KATNBL1: variants seen among roughly 807,000 people sequenced by gnomAD.
KATNBL1 encodes the protein katanin regulatory subunit B1 like 1.
Under a neutral mutation model 44.7 loss-of-function variants are expected in KATNBL1, and 28 were observed. The observed-to-expected ratio is 0.63, with a 90% CI of 0.46 to 0.86. The LOEUF (loss-of-function observed/expected upper bound fraction) is 0.86, where lower values mean the gene tolerates loss of function less well. KATNBL1 is among the 40% of genes least tolerant of loss of function. The pLI is 0.00. For synonymous variants in KATNBL1, 78 were observed against 114.9 expected (o/e 0.68, Z 2.06); for missense variants, 272 against 350.7 (o/e 0.78, Z 1.79).
At chr15:34,167,473 T>TG (rs35282170) in intron 1 of KATNBL1, among the ~76,000 whole-genome samples, 49,816 of 151,994 alleles carry the variant, frequency 0.33, 8,580 homozygotes, top group African/African-American at 0.45. Flanking sequence ...TATGTTTGAT[T>TG]GTGTACCTGA....
rs9972582 is a variant in KATNBL1, at chr15:34,188,530, T to C, written c.-15+21421A>G. On this transcript the variant is annotated intron_variant, in intron 1 of 9. Transcript: ENST00000256544. Reference sequence around the variant, plus strand: ...AAGATTGTGCCACTGTACTCCAGGTTGGGCAACAGAGCAAGATTCTGTCTC... The same window carrying C: ...AAGATTGTGCCACTGTACTCCAGGTCGGGCAACAGAGCAAGATTCTGTCTC... Among the ~76,000 whole-genome samples, 816 of 152,254 alleles carry C rather than the reference T, an allele frequency of 5.4e-3. 9 individuals are homozygous for C. Among genetic ancestry groups the C allele is most frequent in the African/African-American group, 0.019 (770 of 41,550 alleles).
At chr15:34,196,857 T>C (rs1273500433) in intron 1 of KATNBL1, among the ~76,000 whole-genome samples, 2 of 152,248 alleles carry the variant, frequency 1.3e-5, no homozygotes, top group Non-Finnish European at 2.9e-5. Context: ...TGTTACAGTT[T>C]TACTTCATTT....
chr15:34,173,600 G>A (rs1057413073), intron 1 of KATNBL1, among the ~76,000 whole-genome samples: 2 of 152,062 alleles, frequency 1.3e-5, no homozygotes, highest in Non-Finnish European at 2.9e-5. Context: ...ATATATGGAA[G>A]GTATTTCCCA....
chr15:34,189,024 A>G (rs1181425306), intron 1 of KATNBL1, among the ~76,000 whole-genome samples: 1 of 152,212 alleles, frequency 6.6e-6, no homozygotes, highest in Non-Finnish European at 1.5e-5. Context: ...TAGGAATTTC[A>G]TACAACCTGG....
intron 1 of KATNBL1, among the ~76,000 whole-genome samples, chr15:34,174,477 T>A (rs941381476): frequency 5.9e-5 from 9 of 152,154 alleles, no homozygotes; most frequent in African/African-American, 1.9e-4. Context: ...AGCTCTGACA[T>A]ACTGATAACT....
At chr15:34,155,088 A>AG in intron 2 of KATNBL1, among the ~76,000 whole-genome samples, 1 of 152,304 alleles carries the variant, frequency 6.6e-6, no homozygotes, top group East Asian at 1.9e-4. Context: ...AAAGGCTAGA[A>AG]GGGGGTTGTT....
chr15:34,166,707 C>T (rs1264218560), intron 1 of KATNBL1, among the ~76,000 whole-genome samples: 1 of 152,186 alleles, frequency 6.6e-6, no homozygotes, highest in African/African-American at 2.4e-5. Flanking sequence ...ACACCTCATA[C>T]AGGTGGGTTC....
chr15:34,197,981 C>T (rs1237079819), intron 1 of KATNBL1, among the ~76,000 whole-genome samples: 3 of 152,156 alleles, frequency 2.0e-5, no homozygotes, highest in African/African-American at 7.2e-5. Context: ...CTCCTGACCT[C>T]AGGTAATCCA....
intron 1 of KATNBL1, among the ~76,000 whole-genome samples, chr15:34,169,626 GAC>G (rs1889096688): frequency 6.6e-6 from 1 of 151,206 alleles, no homozygotes; most frequent in Non-Finnish European, 1.5e-5. Flanking sequence ...GCCTGGCAGA[GAC>G]ACAACAAAAA....
At chr15:34,166,604 TTGAGCTC>T (rs1357424071) in intron 1 of KATNBL1, among the ~76,000 whole-genome samples, 1 of 152,208 alleles carries the variant, frequency 6.6e-6, no homozygotes. Context: ...AACACGACGT[TTGAGCTC>T]TGAGAATGGA....
intron 1 of KATNBL1, among the ~76,000 whole-genome samples, chr15:34,179,611 G>A (rs903238028): frequency 3.9e-5 from 6 of 152,034 alleles, no homozygotes; most frequent in African/African-American, 1.5e-4. Context: ...CAAGACTATA[G>A]GCACACAACA....
intron 1 of KATNBL1, among the ~76,000 whole-genome samples, chr15:34,170,739 T>A (rs551263373): frequency 2.6e-5 from 4 of 151,994 alleles, no homozygotes; most frequent in Non-Finnish European, 5.9e-5. Flanking sequence ...CCAAAACAGA[T>A]ATATAGACCA....
chr15:34,189,556 T>TA (rs1222291142), intron 1 of KATNBL1, among the ~76,000 whole-genome samples: 1 of 152,186 alleles, frequency 6.6e-6, no homozygotes, highest in Non-Finnish European at 1.5e-5. Context: ...TTAAAAAACT[T>TA]GATATCACAA....
At chr15:34,176,139 C>T (rs990786616) in intron 1 of KATNBL1, among the ~76,000 whole-genome samples, 6 of 152,090 alleles carry the variant, frequency 3.9e-5, no homozygotes, top group South Asian at 4.2e-4. Flanking sequence ...CTTTGGGAGG[C>T]GGAGGTGGGC....
intron 5 of KATNBL1, 136 bp from the exon 6 acceptor site, chr15:34,147,566 G>A (rs1888347810): frequency 6.3e-6 from 3 of 476,630 alleles, no homozygotes; most frequent in Admixed American, 3.4e-5. Flanking sequence ...CATGTCTGTG[G>A]ATACAGCAAT....
At chr15:34,177,379 T>C (rs1889365880) in intron 1 of KATNBL1, among the ~76,000 whole-genome samples, 1 of 152,102 alleles carries the variant, frequency 6.6e-6, no homozygotes, top group Non-Finnish European at 1.5e-5. Flanking sequence ...GAGCGGTGGC[T>C]CACACATGTA....
intron 1 of KATNBL1, among the ~76,000 whole-genome samples, chr15:34,165,039 C>T (rs1888922427): frequency 6.6e-6 from 1 of 152,206 alleles, no homozygotes; most frequent in Non-Finnish European, 1.5e-5. Flanking sequence ...ACCCTTCCAC[C>T]TGTATCCCAG....
Position 34,148,692 on chromosome 15 carries a change from T to C in KATNBL1, c.497A>G (p.Asn166Ser), listed in dbSNP as rs1369273020. Residue 166 changes from asparagine (N) to serine (S), a missense_variant, in exon 5 of 10, where the codon AAT (asparagine) becomes AGT (serine). Around this residue, in one of 3 missense-constraint regions of KATNBL1, gnomAD observed 111 missense variants for 149.3 expected, o/e 0.74. Transcript: ENST00000256544. The part of the protein sequence containing the change: ...QVLFSRNMRL[N>S]VALTFWRKRS... The stretch of plus-strand genomic sequence containing the variant: ...CTTTCTCCAGAAAGTTAAAGCTACA[T>C]TCAATCTCATATTCCTGCTGAACAA... 6.2e-7 allele frequency: 1 copy of C among 1,613,126 alleles called. No homozygotes were observed. The highest frequency in any genetic ancestry group is 8.5e-7 in the Non-Finnish European group (1 of 1,179,116).
Position 34,142,045 on chromosome 15 carries a change from C to G in KATNBL1, c.*294G>C, listed in dbSNP as rs1420507036. 8.3e-6 allele frequency: 2 copies of G among 239,732 alleles called. No individual in the cohort carries two copies. Among genetic ancestry groups the G allele is most frequent in the Non-Finnish European group, 1.6e-5 (2 of 124,914 alleles). 14.9% of individuals were successfully genotyped at this position (239,732 alleles called of 1,614,324 possible). On this transcript the variant is annotated 3_prime_UTR_variant, in exon 10 of 10. Coordinates refer to ENST00000256544, the MANE Select transcript of KATNBL1 (RefSeq NM_024713.3). ...AGGATTGCATTAAAATCCAGTAGTT[C>G]TTAATGTTACCAAATAACCATATAA...
Sources: gnomAD v4.1 joint callset for allele counts (sites outside exome capture counted in the v4.1 genomes callset) on GRCh38, gnomAD v4.1.1 for gene constraint, gnomAD v4.1.1 regional missense constraint, MANE v1.5 for transcripts, NCBI Gene and HGNC (gene_info 2026-07-23, HGNC 2026-07-21) for gene names.